PAPOLG: variants seen among roughly 807,000 people sequenced by gnomAD.
The protein encoded by PAPOLG is PAP-gamma.
In PAPOLG, 40 loss-of-function variants were observed where a neutral mutation model predicts 99.0. The observed-to-expected ratio is 0.40, with a 90% CI of 0.31 to 0.53. The LOEUF is 0.53. Among genes scored for constraint, PAPOLG ranks in the 20% least tolerant of loss-of-function variants. The pLI, the probability that PAPOLG is intolerant of heterozygous loss-of-function variation, is 0.41. For missense variants in PAPOLG, 675 were observed against 884.1 expected, an observed-to-expected ratio of 0.76 and a Z score of 3.00; for synonymous variants, 310 against 299.3, an observed-to-expected ratio of 1.04 and a Z score of -0.37.
At chr2:60,775,518 T>C (rs1481224678) in intron 8 of PAPOLG, among the ~76,000 whole-genome samples, 3 of 152,206 alleles carry the variant, frequency 2.0e-5, no homozygotes, top group Admixed American at 2.0e-4. Context: ...CACTTGTTTT[T>C]ACCTTATAAC....
At chr2:60,781,841 T>G (rs2103800847) in intron 10 of PAPOLG, 44 bp from the exon 11 acceptor site, 1 of 1,609,760 alleles carries the variant, frequency 6.2e-7, no homozygotes, top group East Asian at 2.2e-5. Context: ...TGAGAACAAC[T>G]GAAATAGGAG....
intron 1 of PAPOLG, among the ~76,000 whole-genome samples, chr2:60,758,573 G>A (rs573031649): frequency 1.5e-4 from 23 of 151,866 alleles, no homozygotes; most frequent in Admixed American, 9.2e-4. Flanking sequence ...GATTACAGAC[G>A]TCCGCCACCA....
At chr2:60,787,898 A>G (rs1043790903) in intron 15 of PAPOLG, among the ~76,000 whole-genome samples, 1 of 152,216 alleles carries the variant, frequency 6.6e-6, no homozygotes. Context: ...CTAAAAATAC[A>G]AAGTTAGTAG....
chr2:60,789,923 A>G (rs1671479050), intron 15 of PAPOLG, among the ~76,000 whole-genome samples: 1 of 152,098 alleles, frequency 6.6e-6, no homozygotes, highest in African/African-American at 2.4e-5. Context: ...AACCCCACCC[A>G]TCTCTACTAA....
chr2:60,775,181 T>C, intron 8 of PAPOLG, 58 bp downstream of exon 8: 1 of 1,538,712 alleles, frequency 6.5e-7, no homozygotes. Context: ...CTCTTGCCAG[T>C]GAAAGAAGCA....
At chr2:60,759,611 G>A (rs978371310) in intron 1 of PAPOLG, among the ~76,000 whole-genome samples, 1 of 152,072 alleles carries the variant, frequency 6.6e-6, no homozygotes, top group African/African-American at 2.4e-5. Flanking sequence ...TGTTAACCTC[G>A]GTTTCCCAAG....
chr2:60,785,681 A>G (rs1017789148), intron 13 of PAPOLG, among the ~76,000 whole-genome samples: 2 of 142,054 alleles, frequency 1.4e-5, no homozygotes, highest in Non-Finnish European at 3.0e-5. Context: ...TTGCTACCAT[A>G]CCTGGCTGAT....
At chr2:60,779,446 C>G in intron 8 of PAPOLG, 191 bp from the exon 9 acceptor site, 1 of 541,134 alleles carries the variant, frequency 1.8e-6, no homozygotes, top group Non-Finnish European at 3.2e-6. Context: ...AGACTGTGGG[C>G]CTAATGTGAA....
At chr2:60,782,423 G>A (rs1671216579) in intron 11 of PAPOLG, among the ~76,000 whole-genome samples, 1 of 151,866 alleles carries the variant, frequency 6.6e-6, no homozygotes, top group South Asian at 2.1e-4. Flanking sequence ...CGGAAGTGGT[G>A]GTGGGCACCT....
chr2:60,771,344 A>T, intron 6 of PAPOLG, 175 bp from the exon 7 acceptor site: 1 of 285,090 alleles, frequency 3.5e-6, no homozygotes, highest in East Asian at 1.7e-4. Context: ...TAATTACCTT[A>T]ACACAACTTT....
chr2:60,794,772 A>C lies in PAPOLG; in HGVS notation c.2052A>C (p.Ser684=), dbSNP rs373332142. Reference sequence around the variant, plus strand: ...CTGCTGAAGAAAGAAAAAGAAAATCAGTGGTAAATATATTAATAGTGTGCT... The same window carrying C: ...CTGCTGAAGAAAGAAAAAGAAAATCCGTGGTAAATATATTAATAGTGTGCT... ...PRTAEERKRK[S]VDAIGGESMP... The change falls in exon 20 of 22, where the codon TCA becomes TCC. Residue 684 remains serine, a synonymous_variant. Coordinates refer to ENST00000238714, the MANE Select transcript of PAPOLG (RefSeq NM_022894.4). 382 of 1,603,350 alleles carry C rather than the reference A, an allele frequency of 2.4e-4. No homozygotes were observed. The highest frequency in any genetic ancestry group is 2.9e-4 in the Non-Finnish European group (343 of 1,170,508).
chr2:60,779,449 A>G, intron 8 of PAPOLG, 188 bp from the exon 9 acceptor site: 1 of 555,650 alleles, frequency 1.8e-6, no homozygotes, highest in East Asian at 2.9e-5. Context: ...CTGTGGGCCT[A>G]ATGTGAAGGT....
At chr2:60,776,227 TAGAA>T (rs1671013341) in intron 8 of PAPOLG, among the ~76,000 whole-genome samples, 1 of 152,204 alleles carries the variant, frequency 6.6e-6, no homozygotes, top group African/African-American at 2.4e-5. Flanking sequence ...CAGTCCTACT[TAGAA>T]AGGAATCTTT....
chr2:60,790,219 C>T (rs911656201), intron 15 of PAPOLG, among the ~76,000 whole-genome samples: 2 of 152,194 alleles, frequency 1.3e-5, no homozygotes, highest in Non-Finnish European at 2.9e-5. Flanking sequence ...CATAATCAAT[C>T]TGGAATAAAA....
chr2:60,792,461 A>T (rs984993296), intron 17 of PAPOLG, among the ~76,000 whole-genome samples, 172 bp downstream of exon 17: 1 of 152,206 alleles, frequency 6.6e-6, no homozygotes, highest in Non-Finnish European at 1.5e-5. Flanking sequence ...CCTGTGGGAA[A>T]CGGTATAGGC....
chr2:60,789,024 G>A (rs374465005), intron 15 of PAPOLG, among the ~76,000 whole-genome samples: 3 of 152,076 alleles, frequency 2.0e-5, no homozygotes, highest in African/African-American at 7.2e-5. Context: ...CATGTCCTTC[G>A]TAGGGACATG....
intron 11 of PAPOLG, 63 bp downstream of exon 11, chr2:60,782,068 C>T: frequency 1.3e-6 from 2 of 1,506,604 alleles, no homozygotes; most frequent in Non-Finnish European, 1.8e-6. Context: ...CAGTTTTATT[C>T]TCTGTTGCAG....
intron 15 of PAPOLG, 96 bp from the exon 16 acceptor site, chr2:60,791,665 T>G: frequency 6.9e-7 from 1 of 1,450,836 alleles, no homozygotes; most frequent in Non-Finnish European, 9.2e-7. Context: ...GTGGTGATAG[T>G]GGGGAGATAG....
At position 60,799,438 on chromosome 2, in the gene PAPOLG, G is replaced by A. The variant is rs1186368203; in HGVS notation, c.*2278G>A. On this transcript the variant is annotated 3_prime_UTR_variant, in exon 22 of 22. Transcript: ENST00000238714. ...GGAGTTGATAAAATACTTTTGAGAT[G>A]GTGGGGTTTGTCAGAAATAAAATAT... 1 of 152,310 alleles carries A rather than the reference G, an allele frequency of 6.6e-6. No homozygotes were observed. Among genetic ancestry groups the A allele is most frequent in the Non-Finnish European group, 1.5e-5 (1 of 68,034 alleles). 9.4% of individuals were successfully genotyped at this position (152,310 alleles called of 1,614,324 possible). A position where few individuals can be genotyped will look rare whatever the true frequency, so the allele number is the denominator to read the frequency against.
Sources: gnomAD v4.1 joint callset for allele counts (sites outside exome capture counted in the v4.1 genomes callset) on GRCh38, gnomAD v4.1.1 for gene constraint, MANE v1.5 for transcripts, NCBI Gene and HGNC (gene_info 2026-07-23, HGNC 2026-07-21) for gene names.